TM7SF3: variants seen among roughly 807,000 people sequenced by gnomAD.
The protein encoded by TM7SF3 is seven span transmembrane protein.
TM7SF3 carries 60 observed loss-of-function variants against 65.5 expected under a neutral mutation model. The ratio of observed to expected loss-of-function variants is 0.92; its 90% CI spans 0.74 to 1.14. TM7SF3 has a LOEUF of 1.14. Among genes scored for constraint, TM7SF3 ranks in the 50% most tolerant of loss-of-function variants. TM7SF3 has a pLI of 0.00. For synonymous variants in TM7SF3, 264 were observed against 259.6 expected (o/e 1.02, Z -0.16); for missense variants, 623 against 684.8 (o/e 0.91, Z 1.01).
chr12:26,992,750 T>C (rs1283229640), intron 5 of TM7SF3, among the ~76,000 whole-genome samples: 1 of 152,052 alleles, frequency 6.6e-6, no homozygotes. Context: ...GCTCAGGAAA[T>C]TATCAAAACT....
At chr12:27,004,496 G>A (rs182987932) in intron 1 of TM7SF3, among the ~76,000 whole-genome samples, 69 of 152,096 alleles carry the variant, frequency 4.5e-4, no homozygotes, top group African/African-American at 1.4e-3. Context: ...GTCAGTGGGC[G>A]GTAAAACATT....
At chr12:26,990,353 G>C in intron 6 of TM7SF3, 97 bp downstream of exon 6, 1 of 860,400 alleles carries the variant, frequency 1.2e-6, no homozygotes, top group Non-Finnish European at 1.8e-6. Context: ...ATAACGTAGG[G>C]GCTCAAAAGG....
At chr12:27,011,771 A>G (rs1941252843) in intron 1 of TM7SF3, among the ~76,000 whole-genome samples, 8 of 152,194 alleles carry the variant, frequency 5.3e-5, no homozygotes, top group Admixed American at 5.2e-4. Flanking sequence ...CCTCTTCTGC[A>G]CAGAATGACA....
chr12:26,997,858 C>T (rs1426577549), intron 3 of TM7SF3, among the ~76,000 whole-genome samples: 2 of 127,454 alleles, frequency 1.6e-5, no homozygotes, highest in Non-Finnish European at 3.1e-5. Flanking sequence ...CGGAGTCTTG[C>T]TCTATCACCC....
chr12:26,982,576 A>G (rs1272260089), intron 7 of TM7SF3, among the ~76,000 whole-genome samples, 197 bp downstream of exon 7: 2 of 152,210 alleles, frequency 1.3e-5, no homozygotes, highest in Admixed American at 6.5e-5. Flanking sequence ...TAATAAGAGA[A>G]GGTTATACTC....
intron 6 of TM7SF3, among the ~76,000 whole-genome samples, chr12:26,987,731 G>A (rs925133699): frequency 6.6e-6 from 1 of 152,136 alleles, no homozygotes; most frequent in African/African-American, 2.4e-5. Context: ...GCCAAAACTA[G>A]CAAGTGAGAG....
At chr12:27,001,351 G>A (rs997131568) in intron 2 of TM7SF3, among the ~76,000 whole-genome samples, 1 of 152,212 alleles carries the variant, frequency 6.6e-6, no homozygotes, top group Non-Finnish European at 1.5e-5. Context: ...CACTGGTGAT[G>A]CTGACATCTC....
At chr12:27,003,191 C>A (rs970607065) in intron 2 of TM7SF3, 45 bp downstream of exon 2, 2 of 1,452,474 alleles carry the variant, frequency 1.4e-6, no homozygotes, top group Non-Finnish European at 9.4e-7. Context: ...ACCAGACCCC[C>A]AAAATATAGA....
At chr12:27,004,538 T>C (rs985706830) in intron 1 of TM7SF3, among the ~76,000 whole-genome samples, 1 of 152,178 alleles carries the variant, frequency 6.6e-6, no homozygotes, top group Non-Finnish European at 1.5e-5. Flanking sequence ...AACACATTCT[T>C]ATATACCATG....
intron 2 of TM7SF3, among the ~76,000 whole-genome samples, chr12:27,002,115 C>A (rs1940856004): frequency 6.6e-6 from 1 of 152,064 alleles, no homozygotes; most frequent in Non-Finnish European, 1.5e-5. Flanking sequence ...GGAAAGAAGG[C>A]AGGAATAAAA....
chr12:26,972,035 C>T lies in TM7SF3; in HGVS notation c.*1930G>A, dbSNP rs1565860264. 6.6e-6 allele frequency: 1 copy of T among 152,168 alleles called. No homozygotes were observed. The highest frequency in any genetic ancestry group is 1.5e-5 in the Non-Finnish European group (1 of 68,024). 9.4% of individuals were successfully genotyped at this position (152,168 alleles called of 1,614,324 possible). On this transcript the variant is annotated 3_prime_UTR_variant, in exon 12 of 12. Coordinates refer to ENST00000343028, the MANE Select transcript of TM7SF3 (RefSeq NM_016551.3). ...ATTTAAATAGTGGTTAACTCATAAACGTGTATGCAACAACATTCCACAACC... is the reference window on the plus strand; with the variant it reads ...ATTTAAATAGTGGTTAACTCATAAATGTGTATGCAACAACATTCCACAACC...
chr12:26,989,313 G>A (rs1325999456), intron 6 of TM7SF3, among the ~76,000 whole-genome samples: 1 of 152,136 alleles, frequency 6.6e-6, no homozygotes, highest in African/African-American at 2.4e-5. Context: ...GTGTGTGCTT[G>A]TTAATCCCAG....
Position 26,972,212 on chromosome 12 carries a change from C to G in TM7SF3, c.*1753G>C, listed in dbSNP as rs1288564928. ...GGGTGTCAAAACTGAGGGGACTCTC[C>G]AAGGTCCTAATGAAAAGCAGCTCCT... On this transcript the variant is annotated 3_prime_UTR_variant, in exon 12 of 12. Transcript: ENST00000343028. 1 of 152,104 alleles carries G rather than the reference C, an allele frequency of 6.6e-6. No individual in the cohort carries two copies. Among genetic ancestry groups the G allele is most frequent in the Admixed American group, 6.5e-5 (1 of 15,268 alleles). The allele number at this position is 152,104 out of a possible 1,614,324, so 9.4% of individuals were successfully genotyped here. A position where few individuals can be genotyped will look rare whatever the true frequency, so the allele number is the denominator to read the frequency against.
At chr12:27,007,838 TTTTGTGTG>T (rs1941097708) in intron 1 of TM7SF3, among the ~76,000 whole-genome samples, 2 of 152,252 alleles carry the variant, frequency 1.3e-5, no homozygotes, top group Admixed American at 1.3e-4. Context: ...ACAGCACAAT[TTTTGTGTG>T]TTTGGCTTCT....
At chr12:27,005,741 T>C (rs1412518493) in intron 1 of TM7SF3, among the ~76,000 whole-genome samples, 2 of 151,606 alleles carry the variant, frequency 1.3e-5, no homozygotes, top group African/African-American at 4.8e-5. Context: ...AAACAACTGA[T>C]GACTTGACAA....
chr12:26,986,994 C>T (rs79301187), intron 6 of TM7SF3, among the ~76,000 whole-genome samples: 3,660 of 152,246 alleles, frequency 0.024, 149 homozygotes, highest in African/African-American at 0.083. Flanking sequence ...TTGGTAGGAT[C>T]TTCAATTTCC....
Position 27,014,064 on chromosome 12 carries a change from C to T in TM7SF3, c.91+14G>A, listed in dbSNP as rs779822666. 6.4e-7 allele frequency: 1 copy of T among 1,557,974 alleles called. No homozygotes were observed. Among genetic ancestry groups the T allele is most frequent in the Non-Finnish European group, 8.7e-7 (1 of 1,149,628 alleles). On this transcript the variant is annotated intron_variant, in intron 1 of 11. Transcript: ENST00000343028. ...GCAACTTTGGGTTGCAGAAGCCAGG[C>T]GCCCCGACCTTACCCTCGCTGGAAT... is the stretch of plus-strand genomic sequence containing the variant.
At chr12:26,989,174 G>A (rs899551924) in intron 6 of TM7SF3, among the ~76,000 whole-genome samples, 3 of 152,202 alleles carry the variant, frequency 2.0e-5, no homozygotes, top group East Asian at 1.9e-4. Flanking sequence ...GGTGGCTTAT[G>A]CCTGTAATCC....
chr12:27,009,454 A>G (rs1023681892), intron 1 of TM7SF3, among the ~76,000 whole-genome samples: 1 of 152,206 alleles, frequency 6.6e-6, no homozygotes, highest in Admixed American at 6.5e-5. Context: ...GTTGAGATGT[A>G]TTATGTTATT....
Sources: allele counts gnomAD v4.1 joint callset (sites outside exome capture counted in the v4.1 genomes callset), GRCh38; gene constraint gnomAD v4.1.1; transcripts MANE v1.5; gene names NCBI Gene and HGNC (gene_info 2026-07-23, HGNC 2026-07-21).